The following PTCH1 variants were observed in gnomAD, a reference collection of about 807,000 sequenced individuals.
PTCH1 encodes the protein patched 1, also known as protein patched homolog 1.
PTCH1 carries 14 observed loss-of-function variants against 144.6 expected under a neutral mutation model. The observed-to-expected ratio is 0.10, with a 90% CI of 0.06 to 0.15. The LOEUF is 0.15. Ranked by LOEUF, PTCH1 falls within the 10% of genes least tolerant of loss-of-function variation. The pLI is 1.00. For missense variants in PTCH1, 1,623 were observed against 1,948.3 expected, an observed-to-expected ratio of 0.83 and a Z score of 3.14; for synonymous variants, 833 against 793.6, an observed-to-expected ratio of 1.05 and a Z score of -0.83.
intron 19 of PTCH1, 43 bp from the exon 20 acceptor site, chr9:95,453,663 A>C: frequency 6.2e-7 from 1 of 1,610,328 alleles, no homozygotes; most frequent in Non-Finnish European, 8.5e-7. Flanking sequence ...GCTGGACTTC[A>C]CCTGGTAAAT....
In PTCH1 at chr9:95,458,829, T is replaced by A. The variant is rs1442910021; in HGVS notation, c.2888-536A>T. The stretch of plus-strand genomic sequence containing the variant: ...GTTGTGTGTTCCAGACCCTCTGGGG[T>A]CATTCAGTTGACTTGCTAAACATGA... On this transcript the variant is annotated intron_variant, in intron 17 of 23. Coordinates refer to ENST00000331920, the MANE Select transcript of PTCH1 (RefSeq NM_000264.5). The surrounding 1 kb of genome is among the most constrained non-coding windows in gnomAD (Gnocchi z 4.7). Among the ~76,000 whole-genome samples, 1 of 152,120 alleles carries A rather than the reference T, an allele frequency of 6.6e-6. No individual in the cohort carries two copies. Among genetic ancestry groups the A allele is most frequent in the Non-Finnish European group, 1.5e-5 (1 of 68,024 alleles).
rs575500729 is a variant in PTCH1, at chr9:95,469,619, G to A, written c.1847+194C>T. 1.0e-3 allele frequency among the ~76,000 whole-genome samples: 156 copies of A among 152,214 alleles called. 1 individual carries two copies. Among genetic ancestry groups the A allele is most frequent in the Non-Finnish European group, 1.1e-3 (78 of 68,006 alleles). ...GAGGGCTGTGAGACTGTTCAGCTGC[G>A]GCAGGGGAGAAGGAAGCCCAGGGAC... On this transcript the variant is annotated intron_variant, in intron 13 of 23. Transcript: ENST00000331920.
rs1841905015 is a variant in PTCH1, at chr9:95,485,692, A to G, written c.577T>C (p.Tyr193His). 6.2e-7 allele frequency: 1 copy of G among 1,614,026 alleles called. No individual in the cohort carries two copies. The highest frequency in any genetic ancestry group is 8.5e-7 in the Non-Finnish European group (1 of 1,179,960). ...GGACGCGGCGGGCCTTACCTGTTGT[A>G]CATGTATACATGGACACGGCTGGCC... ...LQASRVHVYM[Y>H]NRQWKLEHLC... The change falls in exon 3 of 24, where the codon TAC (tyrosine) becomes CAC (histidine). Residue 193 changes from tyrosine (Y) to histidine (H), a missense_variant. Tyr to His is a moderately conservative substitution (Grantham distance 83). Transcript: ENST00000331920.
intron 12 of PTCH1, among the ~76,000 whole-genome samples, chr9:95,474,647 C>T (rs964688415): frequency 1.3e-5 from 2 of 152,134 alleles, no homozygotes; most frequent in African/African-American, 4.8e-5. Flanking sequence ...CTAAAGATGC[C>T]TCCATTCCCA....
intron 15 of PTCH1, 123 bp from the exon 16 acceptor site, chr9:95,462,121 C>T: frequency 2.7e-6 from 3 of 1,094,732 alleles, no homozygotes; most frequent in Middle Eastern, 2.1e-4. Flanking sequence ...AGAAACACAC[C>T]CTCTGTGTCC....
chr9:95,449,808 C>T lies in PTCH1; in HGVS notation c.3549+33G>A, dbSNP rs745360796. ...ACAGGAAACACAGCATTCAGCCGGC[C>T]TACACGTGGGACATCCCCGTGTCAC... On this transcript the variant is annotated intron_variant, in intron 21 of 23. Transcript: ENST00000331920. The surrounding 1 kb of genome is among the most constrained non-coding windows in gnomAD (Gnocchi z 5.3). 1 of 1,564,856 alleles carries T rather than the reference C, an allele frequency of 6.4e-7. No homozygotes were observed. Among genetic ancestry groups the T allele is most frequent in the South Asian group, 1.1e-5 (1 of 89,812 alleles).
rs905997034 is a variant in PTCH1 at position 95,503,785 on chromosome 9, G to C, written c.394+2622C>G. 1.7e-4 allele frequency among the ~76,000 whole-genome samples: 10 copies of C among 58,288 alleles called. 3 individuals are homozygous for C. The highest frequency in any genetic ancestry group is 5.7e-4 in the African/African-American group (4 of 7,050). 38.2% of individuals were successfully genotyped at this position (58,288 alleles called of 152,430 possible). ...TAATCCCAGCACTTTGGGAGGCCGA[G>C]GCGGGTGGATCATGAGGTCAGGAGA... On this transcript the variant is annotated intron_variant, in intron 2 of 23. Coordinates refer to ENST00000331920, the MANE Select transcript of PTCH1 (RefSeq NM_000264.5).
chr9:95,455,106 A>G (rs1838799510), intron 19 of PTCH1, among the ~76,000 whole-genome samples: 1 of 152,210 alleles, frequency 6.6e-6, no homozygotes, highest in Non-Finnish European at 1.5e-5. Flanking sequence ...CCCAGCTCAA[A>G]GGAAGAAAAT....
chr9:95,456,554 G>A, intron 18 of PTCH1, 141 bp from the exon 19 acceptor site: 1 of 1,147,764 alleles, frequency 8.7e-7, no homozygotes, highest in Non-Finnish European at 1.2e-6. Flanking sequence ...TCTGGACACT[G>A]CCTTTACTGC....
chr9:95,480,111 C>G (rs2118397841), intron 6 of PTCH1, 21 bp from the exon 7 acceptor site: 1 of 1,613,726 alleles, frequency 6.2e-7, no homozygotes, highest in Non-Finnish European at 8.5e-7. Flanking sequence ...AAGACAGCCA[C>G]ATAATTATGG....
chr9:95,448,815 C>T (rs1041514841), intron 22 of PTCH1, among the ~76,000 whole-genome samples: 2 of 151,926 alleles, frequency 1.3e-5, no homozygotes, highest in African/African-American at 4.8e-5. Context: ...GATGCTACTG[C>T]TTTGTGCAGT....
chr9:95,499,797 C>T (rs1231179713), intron 2 of PTCH1, among the ~76,000 whole-genome samples: 2 of 151,926 alleles, frequency 1.3e-5, no homozygotes, highest in Non-Finnish European at 2.9e-5. Flanking sequence ...TACAGTGAAA[C>T]ACATCCCCGA....
Position 95,447,985 on chromosome 9 carries a change from G to A in PTCH1, c.3805-534C>T, listed in dbSNP as rs375022544. 9.5e-4 allele frequency among the ~76,000 whole-genome samples: 144 copies of A among 152,370 alleles called. No homozygotes were observed. In the South Asian group the frequency reaches 0.029, roughly 31 times the overall value. On this transcript the variant is annotated intron_variant, in intron 22 of 23. Coordinates refer to ENST00000331920, the MANE Select transcript of PTCH1 (RefSeq NM_000264.5). ...CATTTCAAGTGCTCCACAGCCACGT[G>A]TGGCCGGTGGCTCCCATCCTGGAAA...
At chr9:95,502,955 T>G (rs1453299759) in intron 2 of PTCH1, among the ~76,000 whole-genome samples, 1 of 152,188 alleles carries the variant, frequency 6.6e-6, no homozygotes, top group African/African-American at 2.4e-5. Context: ...GATAGGAGGA[T>G]ATGCAGAATA....
intron 2 of PTCH1, among the ~76,000 whole-genome samples, chr9:95,497,405 C>CTTT (rs1485882133): frequency 1.3e-5 from 2 of 152,238 alleles, no homozygotes; most frequent in African/African-American, 4.8e-5. Flanking sequence ...CAGGAGAAAA[C>CTTT]TGGAAAGCCA....
At chr9:95,480,641 G>A (rs376605849) in intron 5 of PTCH1, 53 bp from the exon 6 acceptor site, 13 of 1,557,848 alleles carry the variant, frequency 8.3e-6, no homozygotes, top group African/African-American at 5.4e-5. Context: ...TAAACGCATC[G>A]TAAAGTAACA....
chr9:95,485,840 A>G lies in PTCH1; in HGVS notation c.429T>C (p.Thr143=), dbSNP rs144117078. The G allele has an allele frequency of 6.2e-7, 1 of 1,614,072 alleles. No individual in the cohort carries two copies. Among genetic ancestry groups the G allele is most frequent in the Non-Finnish European group, 8.5e-7 (1 of 1,180,050 alleles). ...GGRVSRELNY[T]RQKIGEEAMF... is the part of the protein sequence containing the mutation. ...TAGCCTCTTCTCCAATCTTCTGGCG[A>G]GTATAATTTAATTCACGACTTACTC... The change falls in exon 3 of 24, where the codon ACT becomes ACC. Residue 143 remains threonine, a synonymous_variant. Coordinates refer to ENST00000331920, the MANE Select transcript of PTCH1 (RefSeq NM_000264.5).
At chr9:95,516,431 G>T (rs1399962497) in intron 1 of PTCH1, 7 of 1,379,378 alleles carry the variant, frequency 5.1e-6, no homozygotes, top group Non-Finnish European at 6.5e-6. Flanking sequence ...CGCGCGAGGC[G>T]AGGTGGCGTC....
upstream of PTCH1, among the ~76,000 whole-genome samples, chr9:95,510,066 C>T (rs145407223): frequency 3.5e-3 from 521 of 150,370 alleles, 4 homozygotes; most frequent in Admixed American, 0.013. Context: ...GGAATCCAGA[C>T]ACCGAAGCAG....
Sources: allele counts gnomAD v4.1 joint callset (sites outside exome capture counted in the v4.1 genomes callset), GRCh38; gene constraint gnomAD v4.1.1; non-coding constraint Gnocchi (gnomAD v3.1); transcripts MANE v1.5; gene names NCBI Gene and HGNC (gene_info 2026-07-23, HGNC 2026-07-21).